C12orf56: variants seen among roughly 807,000 people sequenced by gnomAD.
C12orf56 encodes the protein uncharacterized protein C12orf56.
C12orf56 carries 71 observed loss-of-function variants against 69.9 expected under a neutral mutation model. The observed-to-expected ratio is 1.02, with a 90% CI of 0.84 to 1.24. C12orf56 has a LOEUF of 1.24. Ranked by LOEUF, C12orf56 falls within the 50% of genes most tolerant of loss-of-function variation. The pLI, the probability that C12orf56 is intolerant of heterozygous loss-of-function variation, is 0.00. For missense variants in C12orf56, 732 were observed against 738.5 expected, an observed-to-expected ratio of 0.99 and a Z score of 0.10; for synonymous variants, 276 against 274.1, an observed-to-expected ratio of 1.01 and a Z score of -0.07.
chr12:64,349,693 G>C (rs968020489), intron 2 of C12orf56, among the ~76,000 whole-genome samples: 8 of 152,210 alleles, frequency 5.3e-5, no homozygotes. Flanking sequence ...ACCTGGATGA[G>C]ATTGGAGACT....
intron 3 of C12orf56, among the ~76,000 whole-genome samples, chr12:64,319,232 AGC>A (rs2038736692): frequency 2.0e-5 from 3 of 152,240 alleles, no homozygotes; most frequent in South Asian, 2.1e-4. Flanking sequence ...CACAGAATGA[AGC>A]ACTGTATATA....
At chr12:64,313,261 C>CAA (rs769254039) in intron 4 of C12orf56, among the ~76,000 whole-genome samples, 2 of 109,346 alleles carry the variant, frequency 1.8e-5, no homozygotes, top group African/African-American at 7.6e-5. Context: ...GACTCTGTCT[C>CAA]AAAAAAAAAA....
chr12:64,306,870 A>G (rs1272872142), intron 5 of C12orf56, among the ~76,000 whole-genome samples: 1 of 152,098 alleles, frequency 6.6e-6, no homozygotes, highest in African/African-American at 2.4e-5. Context: ...TAAATTGAAA[A>G]CCTAAAGGAT....
intron 6 of C12orf56, among the ~76,000 whole-genome samples, chr12:64,289,692 G>A (rs1056742607): frequency 2.5e-5 from 1 of 40,288 alleles, no homozygotes; most frequent in Admixed American, 3.5e-4. Context: ...GCATCCCAGG[G>A]ATGAAGCCCA....
chr12:64,338,886 A>C, intron 2 of C12orf56: 1 of 598,320 alleles, frequency 1.7e-6, no homozygotes. Context: ...CCCTGTGCAG[A>C]CCTTGGTTTC....
At chr12:64,352,209 C>G (rs980616607) in intron 2 of C12orf56, 2 of 152,012 alleles carry the variant, frequency 1.3e-5, no homozygotes, top group African/African-American at 4.8e-5. Context: ...TACCCACCAC[C>G]CTTGTTTCAT....
At position 64,294,249 on chromosome 12, in the gene C12orf56, A is replaced by C. The variant is rs1391646838; in HGVS notation, c.1114-8189T>G. Among the ~76,000 whole-genome samples the C allele has an allele frequency of 8.5e-5, 13 of 152,234 alleles. No individual in the cohort carries two copies. In the East Asian group the frequency reaches 2.5e-3, roughly 29 times the overall value. The stretch of plus-strand genomic sequence containing the variant: ...TATACTGTTGGTGGAAGTAGAAAAT[A>C]GCACAGACACTGGAAACCAGTATGG... On this transcript the variant is annotated intron_variant, in intron 6 of 12. Transcript: ENST00000543942.
At chr12:64,333,588 G>A (rs2038958483) in intron 2 of C12orf56, among the ~76,000 whole-genome samples, 1 of 152,048 alleles carries the variant, frequency 6.6e-6, no homozygotes, top group Admixed American at 6.6e-5. Flanking sequence ...TGCAGCCTCC[G>A]CCTCCCAGGC....
intron 1 of C12orf56, among the ~76,000 whole-genome samples, chr12:64,367,289 A>G (rs1367243773): frequency 7.0e-6 from 1 of 142,132 alleles, no homozygotes; most frequent in Non-Finnish European, 1.5e-5. Context: ...TATATATAAT[A>G]TACAGTTTAT....
intron 3 of C12orf56, among the ~76,000 whole-genome samples, chr12:64,321,014 A>G (rs921713238): frequency 3.3e-5 from 5 of 152,224 alleles, no homozygotes; most frequent in African/African-American, 1.2e-4. Context: ...TCAGCTTTTC[A>G]GACCACTTCT....
Position 64,312,761 on chromosome 12 carries a change from G to A in C12orf56, c.895-9C>T. On this transcript the variant is annotated splice_polypyrimidine_tract_variant and intron_variant, in intron 4 of 12. Transcript: ENST00000543942. ...TGTAAAAGAGTAGCTTTCTGAAAAA[G>A]GAAAAAGTAGAAATTGTTAGAATTT... 6.6e-7 allele frequency: 1 copy of A among 1,525,842 alleles called. No individual in the cohort carries two copies. Among genetic ancestry groups the A allele is most frequent in the South Asian group, 1.2e-5 (1 of 83,676 alleles). The allele number at this position is 1,525,842 out of a possible 1,614,324, so 94.5% of individuals were successfully genotyped here.
rs563552288 is a variant in C12orf56 at position 64,365,489 on chromosome 12, A to G, written c.253-12433T>C. ...CGCTATTCCCATTTTATAAGGGAAT[A>G]CAAGGAACCTAAGGCTCAGAGAACT... is the stretch of plus-strand genomic sequence containing the variant. On this transcript the variant is annotated intron_variant, in intron 1 of 12. Transcript: ENST00000543942. 1.2e-4 allele frequency among the ~76,000 whole-genome samples: 18 copies of G among 151,648 alleles called. No homozygotes were observed. The South Asian group carries it at 3.7e-3, about 32-fold the overall frequency.
At chr12:64,367,339 ATATAT>A (rs199935346) in intron 1 of C12orf56, among the ~76,000 whole-genome samples, 19,969 of 132,570 alleles carry the variant, frequency 0.15, 2,253 homozygotes, top group East Asian at 0.35. Flanking sequence ...TATACAGTTT[ATATAT>A]TATATTATAT....
chr12:64,386,309 G>A (rs2039788094), intron 1 of C12orf56, among the ~76,000 whole-genome samples: 1 of 151,460 alleles, frequency 6.6e-6, no homozygotes, highest in Non-Finnish European at 1.5e-5. Context: ...CGCCTCCCGG[G>A]TTCAAGCGAT....
Position 64,390,443 on chromosome 12 carries a change from CACGATGCA to C in C12orf56, c.115_122del (p.Cys39GlyfsTer5). ...GGATGTGGTTCTCAGAGTTGGACACCACGATGCATGGCTCGTAGGCGCGGACCGCGTCG... is the reference window on the plus strand; with the variant it reads ...GGATGTGGTTCTCAGAGTTGGACACCTGGCTCGTAGGCGCGGACCGCGTCG... On this transcript the variant is annotated frameshift_variant, in exon 1 of 13. Coordinates refer to ENST00000543942, the MANE Select transcript of C12orf56 (RefSeq NM_001170633.2). LOFTEE classifies it high-confidence loss of function. The C allele has an allele frequency of 6.2e-7, 1 of 1,611,700 alleles. No individual in the cohort carries two copies. The highest frequency in any genetic ancestry group is 8.5e-7 in the Non-Finnish European group (1 of 1,179,744).
At chr12:64,385,521 T>G (rs961838792) in intron 1 of C12orf56, among the ~76,000 whole-genome samples, 1 of 152,186 alleles carries the variant, frequency 6.6e-6, no homozygotes, top group Non-Finnish European at 1.5e-5. Flanking sequence ...AGGACTTTAT[T>G]TGTTCCTAAG....
intron 3 of C12orf56, among the ~76,000 whole-genome samples, chr12:64,323,147 A>C (rs2038793419): frequency 6.6e-6 from 1 of 152,230 alleles, no homozygotes; most frequent in African/African-American, 2.4e-5. Flanking sequence ...TGTGGTGTTC[A>C]GGGAGAGAAG....
At position 64,267,283 on chromosome 12, in the gene C12orf56, A is replaced by C; in HGVS notation, c.1769T>G (p.Phe590Cys). 1 of 1,605,202 alleles carries C rather than the reference A, an allele frequency of 6.2e-7. No homozygotes were observed. The highest frequency in any genetic ancestry group is 8.5e-7 in the Non-Finnish European group (1 of 1,175,468). The part of the protein sequence containing the change: ...RNNYREEFRY[F>C]IHMPALQKRL... Reference sequence around the variant, plus strand: ...TTTCTGCAAGGCTGGCATGTGAATAAAGTACCTGCAAATCATAAAAAGAAA... The same window carrying C: ...TTTCTGCAAGGCTGGCATGTGAATACAGTACCTGCAAATCATAAAAAGAAA... The change falls in exon 13 of 13, where the codon TTT becomes TGT. Residue 590 changes from phenylalanine to cysteine, a missense_variant. By Grantham distance (205) the Phe-to-Cys change is radical. Coordinates refer to ENST00000543942, the MANE Select transcript of C12orf56 (RefSeq NM_001170633.2).
intron 3 of C12orf56, among the ~76,000 whole-genome samples, chr12:64,320,118 G>A (rs2038752128): frequency 1.3e-5 from 2 of 152,204 alleles, no homozygotes; most frequent in African/African-American, 4.8e-5. Flanking sequence ...CTAAGTGCCC[G>A]GGTTCGTCCT....
Sources: allele counts gnomAD v4.1 joint callset (sites outside exome capture counted in the v4.1 genomes callset), GRCh38; gene constraint gnomAD v4.1.1; transcripts MANE v1.5; gene names NCBI Gene and HGNC (gene_info 2026-07-23, HGNC 2026-07-21).